Variants in TSPAN9 observed in about 807,000 individuals in gnomAD.
TSPAN9 encodes the protein tetraspanin-9.
Under a neutral mutation model 31.0 loss-of-function variants are expected in TSPAN9, and 16 were observed. The ratio of observed to expected loss-of-function variants is 0.52; its 90% CI spans 0.35 to 0.78. TSPAN9 has a LOEUF of 0.78. Ranked by LOEUF, TSPAN9 falls within the 30% of genes least tolerant of loss-of-function variation. The pLI, the probability that TSPAN9 is intolerant of heterozygous loss-of-function variation, is 0.01. For synonymous variants in TSPAN9, 145 were observed against 121.6 expected, an observed-to-expected ratio of 1.19 and a Z score of -1.27; for missense variants, 272 against 312.5, an observed-to-expected ratio of 0.87 and a Z score of 0.98.
intron 2 of TSPAN9, among the ~76,000 whole-genome samples, chr12:3,115,394 A>T (rs150952881): frequency 9.5e-4 from 144 of 152,294 alleles, no homozygotes; most frequent in African/African-American, 3.0e-3. Context: ...TGTGAAGTTC[A>T]TGTGCCATGC....
chr12:3,145,000 A>G (rs1182066333), intron 2 of TSPAN9, among the ~76,000 whole-genome samples: 2 of 152,230 alleles, frequency 1.3e-5, no homozygotes, highest in African/African-American at 4.8e-5. Flanking sequence ...AATCAGTTGC[A>G]TTGCTTTGTT....
intron 3 of TSPAN9, among the ~76,000 whole-genome samples, chr12:3,217,945 C>T (rs577696393): frequency 1.1e-4 from 16 of 152,232 alleles, no homozygotes; most frequent in East Asian, 1.9e-4. Context: ...AGACTACTTT[C>T]TAGATGGGTT....
chr12:3,192,004 T>C lies in TSPAN9; in HGVS notation c.-17-9173T>C, dbSNP rs1173019180. ...GGGTGAGTAGAGTGAAGCCAGGCAG[T>C]GGGTCCAGGAAGAGCATCCAAGCAG... On this transcript the variant is annotated intron_variant, in intron 2 of 8. Transcript: ENST00000011898. This position sits in a 1 kb window ranked among gnomAD's most constrained non-coding sequence, Gnocchi z 4.6. Among the ~76,000 whole-genome samples the C allele has an allele frequency of 1.3e-5, 2 of 151,900 alleles. No homozygotes were observed. The highest frequency in any genetic ancestry group is 2.9e-5 in the Non-Finnish European group (2 of 67,984).
At chr12:3,150,719 C>T (rs532917255) in intron 2 of TSPAN9, among the ~76,000 whole-genome samples, 8 of 152,278 alleles carry the variant, frequency 5.3e-5, no homozygotes, top group South Asian at 2.1e-4. Flanking sequence ...TTCCCACTTA[C>T]GAGCTGATTT....
intron 3 of TSPAN9, among the ~76,000 whole-genome samples, chr12:3,267,702 G>A (rs183965640): frequency 1.3e-5 from 2 of 152,328 alleles, no homozygotes; most frequent in South Asian, 2.1e-4. Context: ...TCTCAGACCC[G>A]TCTGACAAGC....
At chr12:3,135,678 AG>A (rs2098331785) in intron 2 of TSPAN9, among the ~76,000 whole-genome samples, 1 of 151,832 alleles carries the variant, frequency 6.6e-6, no homozygotes, top group Admixed American at 6.6e-5. Context: ...TTTCTCCCCC[AG>A]GTCCATCGTA....
At chr12:3,201,493 C>G (rs765168181) in intron 3 of TSPAN9, among the ~76,000 whole-genome samples, 1 of 152,224 alleles carries the variant, frequency 6.6e-6, no homozygotes, top group Middle Eastern at 3.4e-3. Flanking sequence ...GAGACTTGCT[C>G]TACTCCTAGG....
intron 3 of TSPAN9, among the ~76,000 whole-genome samples, chr12:3,260,795 G>C (rs1460464828): frequency 6.6e-6 from 1 of 152,200 alleles, no homozygotes; most frequent in Non-Finnish European, 1.5e-5. Flanking sequence ...GTGGAGGGTG[G>C]AGGGAAGGGC....
intron 2 of TSPAN9, among the ~76,000 whole-genome samples, chr12:3,105,792 T>A (rs1167063815): frequency 4.0e-5 from 4 of 100,228 alleles, no homozygotes; most frequent in African/African-American, 1.7e-4. Flanking sequence ...TCATACACAC[T>A]CACGCACACA....
chr12:3,181,617 A>C (rs778079661), intron 2 of TSPAN9, among the ~76,000 whole-genome samples: 10 of 152,050 alleles, frequency 6.6e-5, no homozygotes. Flanking sequence ...ATTTCATCCT[A>C]GGACAGCCCA....
chr12:3,117,297 T>C (rs2098322880), intron 2 of TSPAN9, among the ~76,000 whole-genome samples: 1 of 152,080 alleles, frequency 6.6e-6, no homozygotes, highest in East Asian at 1.9e-4. Context: ...CCTATCCTGA[T>C]AGGGCAGAGT....
At chr12:3,096,519 CAG>C (rs1294879876) in intron 2 of TSPAN9, among the ~76,000 whole-genome samples, 1 of 150,700 alleles carries the variant, frequency 6.6e-6, no homozygotes, top group East Asian at 2.0e-4. Flanking sequence ...CTGGTGGACA[CAG>C]AAATATTTTT....
chr12:3,281,892 G>A (rs750069540), intron 8 of TSPAN9, 75 bp downstream of exon 8: 3 of 1,519,264 alleles, frequency 2.0e-6, no homozygotes, highest in Non-Finnish European at 2.7e-6. Flanking sequence ...ACAGAGAAGT[G>A]AAAGCAGTGT....
At chr12:3,246,153 A>G (rs1202028025) in intron 3 of TSPAN9, among the ~76,000 whole-genome samples, 5 of 151,626 alleles carry the variant, frequency 3.3e-5, no homozygotes, top group African/African-American at 4.8e-5. Flanking sequence ...ACAGGCACTA[A>G]ACATGACAAA....
chr12:3,145,201 A>G (rs913918947), intron 2 of TSPAN9, among the ~76,000 whole-genome samples: 1 of 152,180 alleles, frequency 6.6e-6, no homozygotes, highest in African/African-American at 2.4e-5. Context: ...CCCTCCGGTC[A>G]GGACCGCGAC....
At chr12:3,105,155 G>T (rs1182471682) in intron 2 of TSPAN9, among the ~76,000 whole-genome samples, 1 of 152,210 alleles carries the variant, frequency 6.6e-6, no homozygotes, top group African/African-American at 2.4e-5. Flanking sequence ...GTGTCTTTGT[G>T]TTCAGACAAG....
At position 3,081,838 on chromosome 12, in the gene TSPAN9, G is replaced by GTATATA. The variant is rs1456999682; in HGVS notation, c.-84-1814_-84-1813insATATAT. Reference sequence around the variant, plus strand: ...TGTGTGTGTGTGTGTGTGTGTGTCTGTGTGTGTATATATATGCCAGGTGTG... The same window carrying GTATATA: ...TGTGTGTGTGTGTGTGTGTGTGTCTGTATATATGTGTGTATATATATGCCAGGTGTG... On this transcript the variant is annotated intron_variant, in intron 1 of 8. Transcript: ENST00000011898. 3.7e-3 allele frequency among the ~76,000 whole-genome samples: 116 copies of GTATATA among 31,026 alleles called. 1 individual carries two copies. Among genetic ancestry groups the GTATATA allele is most frequent in the African/African-American group, 0.025 (106 of 4,238 alleles). The allele number at this position is 31,026 out of a possible 152,430, so 20.4% of individuals were successfully genotyped here.
chr12:3,217,868 C>T (rs917303965), intron 3 of TSPAN9, among the ~76,000 whole-genome samples: 1 of 152,034 alleles, frequency 6.6e-6, no homozygotes, highest in Admixed American at 6.5e-5. Flanking sequence ...CCTGTGTGTA[C>T]AGTACAGAGC....
chr12:3,094,859 TTTTTTTTTTTG>T lies in TSPAN9; in HGVS notation c.-18+11146_-18+11156del, dbSNP rs1235497389. 2.1e-3 allele frequency among the ~76,000 whole-genome samples: 300 copies of T among 141,324 alleles called. 1 individual carries two copies. The highest frequency in any genetic ancestry group is 6.9e-3 in the African/African-American group (262 of 37,882). 92.7% of individuals were successfully genotyped at this position (141,324 alleles called of 152,430 possible). ...AAAAATCAATAATCTTTTTTTTTTT[TTTTTTTTTTTG>T]TTTTTAAATTTATTTTTTTATTGAT... On this transcript the variant is annotated intron_variant, in intron 2 of 8. Coordinates refer to ENST00000011898, the MANE Select transcript of TSPAN9 (RefSeq NM_006675.5).
Sources: gnomAD v4.1 joint callset for allele counts (sites outside exome capture counted in the v4.1 genomes callset) on GRCh38, gnomAD v4.1.1 for gene constraint, Gnocchi (gnomAD v3.1) non-coding constraint, MANE v1.5 for transcripts, NCBI Gene and HGNC (gene_info 2026-07-23, HGNC 2026-07-21) for gene names.